Variants in GALNT13 observed in about 807,000 individuals in gnomAD.
GALNT13 encodes polypeptide N-acetylgalactosaminyltransferase 13.
In GALNT13, 28 loss-of-function variants were observed where a neutral mutation model predicts 64.2. The observed-to-expected ratio is 0.44, with a 90% confidence interval of 0.32 to 0.60. GALNT13 has a LOEUF of 0.60. Among genes scored for constraint, GALNT13 ranks in the 20% least tolerant of loss-of-function variants. The probability of loss-of-function intolerance (pLI) is 0.05; values close to 1 mark genes in which losing one functional copy is unlikely to be tolerated. For synonymous variants in GALNT13, 214 were observed against 224.6 expected (o/e 0.95, Z 0.42); for missense variants, 577 against 669.8 (o/e 0.86, Z 1.53).
At chr2:153,088,652 T>G in the GALNT13 span, among the ~76,000 whole-genome samples, 13 of 152,308 alleles carry the variant, frequency 8.5e-5, no homozygotes, top group African/African-American at 3.1e-4. Flanking sequence ...CAGTGTTAGA[T>G]GCATATATAT....
At chr2:153,332,539 T>TG in the GALNT13 span, among the ~76,000 whole-genome samples, 2 of 151,592 alleles carry the variant, frequency 1.3e-5, no homozygotes, top group African/African-American at 2.4e-5. Context: ...GTATTGTTTT[T>TG]TTTTTTTTTT....
chr2:153,593,261 C>CGGTTT, the GALNT13 span: 2 of 152,340 alleles, frequency 1.3e-5, no homozygotes, highest in Non-Finnish European at 2.9e-5. Flanking sequence ...ACCAGCCCTT[C>CGGTTT]GGTTTGCGGT....
chr2:153,360,665 C>T, the GALNT13 span, among the ~76,000 whole-genome samples: 1 of 152,090 alleles, frequency 6.6e-6, no homozygotes, highest in South Asian at 2.1e-4. Flanking sequence ...GTGGGGCCTC[C>T]CTGTAGTAAC....
intron 3 of GALNT13, among the ~76,000 whole-genome samples, chr2:153,963,729 CTCTGTGTG>C (rs758204211): frequency 0.012 from 1,411 of 117,046 alleles, 8 homozygotes; most frequent in Middle Eastern, 0.028. Flanking sequence ...CTCTCTCTCT[CTCTGTGTG>C]TGTGTGTGTG....
the GALNT13 span, among the ~76,000 whole-genome samples, chr2:153,615,853 C>T: frequency 6.6e-6 from 1 of 151,864 alleles, no homozygotes; most frequent in African/African-American, 2.4e-5. Context: ...TGTCAGGTGA[C>T]CAGTTTGCAA....
intron 2 of GALNT13, among the ~76,000 whole-genome samples, chr2:153,917,947 G>C (rs1319396941): frequency 6.6e-6 from 1 of 151,584 alleles, no homozygotes; most frequent in Non-Finnish European, 1.5e-5. Context: ...AATGCAGCTA[G>C]CTTACAGCAA....
the GALNT13 span, among the ~76,000 whole-genome samples, chr2:153,302,918 G>A: frequency 6.6e-6 from 1 of 152,114 alleles, no homozygotes; most frequent in East Asian, 1.9e-4. Context: ...TTTTTAAAAG[G>A]CCAATACCAT....
chr2:153,924,199 C>T (rs369263569), intron 2 of GALNT13, among the ~76,000 whole-genome samples: 1 of 151,924 alleles, frequency 6.6e-6, no homozygotes, highest in Non-Finnish European at 1.5e-5. Flanking sequence ...CTTCCTGATG[C>T]ACTCCCTCTT....
intron 3 of GALNT13, among the ~76,000 whole-genome samples, chr2:154,033,743 G>C (rs1275017517): frequency 6.6e-5 from 10 of 152,060 alleles, no homozygotes; most frequent in Non-Finnish European, 7.4e-5. Context: ...TTGGAGACCA[G>C]CCTGGCCAAT....
chr2:153,673,590 C>T, the GALNT13 span, among the ~76,000 whole-genome samples: 937 of 150,848 alleles, frequency 6.2e-3, 8 homozygotes, highest in African/African-American at 0.019. Flanking sequence ...TGACAAACCA[C>T]GCCAATATCA....
the GALNT13 span, among the ~76,000 whole-genome samples, chr2:153,297,074 G>T: frequency 6.6e-6 from 1 of 152,182 alleles, no homozygotes; most frequent in Non-Finnish European, 1.5e-5. Context: ...ACTCTAGGAT[G>T]CCATCAGCAC....
the GALNT13 span, among the ~76,000 whole-genome samples, chr2:153,819,963 A>G: frequency 6.6e-6 from 1 of 152,236 alleles, no homozygotes; most frequent in African/African-American, 2.4e-5. Flanking sequence ...GGATTGGAAG[A>G]AAGCCCAATG....
chr2:153,752,076 C>G, the GALNT13 span, among the ~76,000 whole-genome samples: 1 of 151,884 alleles, frequency 6.6e-6, no homozygotes, highest in Non-Finnish European at 1.5e-5. Context: ...AACAATTTAA[C>G]ACTATTTGCA....
the GALNT13 span, among the ~76,000 whole-genome samples, chr2:153,261,979 G>A: frequency 6.6e-6 from 1 of 152,086 alleles, no homozygotes; most frequent in Non-Finnish European, 1.5e-5. Context: ...TTTGGCTTAG[G>A]GACTGTACAA....
At chr2:153,876,647 T>C (rs1031647446) in intron 1 of GALNT13, among the ~76,000 whole-genome samples, 1 of 152,100 alleles carries the variant, frequency 6.6e-6, no homozygotes, top group African/African-American at 2.4e-5. Context: ...ATACATTTAA[T>C]TGGTGTTAGC....
At chr2:153,719,823 C>G in the GALNT13 span, among the ~76,000 whole-genome samples, 2 of 151,642 alleles carry the variant, frequency 1.3e-5, no homozygotes, top group Non-Finnish European at 3.0e-5. Flanking sequence ...CCCACGGAAT[C>G]TCGCTGATTG....
In GALNT13 at chr2:154,140,402, G is replaced by T; in HGVS notation, c.208G>T (p.Asp70Tyr). ...AAAAGCTGTGTTGATTCCTAAAGAT[G>T]ACCAGGAGAAAATGAAAGAGCTGTT... ...MGKAVLIPKD[D>Y]QEKMKELFKI... The change falls in exon 4 of 13, where the codon GAC (aspartate) becomes TAC (tyrosine). Residue 70 changes from aspartate to tyrosine, a missense_variant. Around this residue, in one of 3 missense-constraint regions of GALNT13, gnomAD observed 341 missense variants for 379.3 expected, o/e 0.90. Coordinates refer to ENST00000392825, the MANE Select transcript of GALNT13 (RefSeq NM_052917.4). 1 of 1,613,000 alleles carries T rather than the reference G, an allele frequency of 6.2e-7. No individual in the cohort carries two copies. Among genetic ancestry groups the T allele is most frequent in the South Asian group, 1.1e-5 (1 of 91,026 alleles).
chr2:153,191,309 T>C, the GALNT13 span, among the ~76,000 whole-genome samples: 2 of 152,166 alleles, frequency 1.3e-5, no homozygotes, highest in African/African-American at 4.8e-5. Context: ...TCAGATGCTT[T>C]TTCTTCACCT....
At chr2:153,075,597 G>C in the GALNT13 span, among the ~76,000 whole-genome samples, 1 of 152,002 alleles carries the variant, frequency 6.6e-6, no homozygotes, top group African/African-American at 2.4e-5. Context: ...ATCAATTCAA[G>C]AGTTAGGTTC....
Sources: allele counts gnomAD v4.1 joint callset (sites outside exome capture counted in the v4.1 genomes callset), GRCh38; gene constraint gnomAD v4.1.1; regional missense constraint gnomAD v4.1.1; transcripts MANE v1.5; gene names NCBI Gene and HGNC (gene_info 2026-07-23, HGNC 2026-07-21).